Variants in CSPP1 observed in about 807,000 individuals in gnomAD.
The protein encoded by CSPP1 is centrosome and spindle pole associated protein 1.
Under a neutral mutation model 164.4 loss-of-function variants are expected in CSPP1, and 126 were observed. The observed-to-expected ratio is 0.77, with a 90% CI of 0.66 to 0.89. The LOEUF is 0.89. Ranked by LOEUF, CSPP1 falls within the 40% of genes least tolerant of loss-of-function variation. The pLI is 0.00. For synonymous variants in CSPP1, 472 were observed against 476.7 expected, an observed-to-expected ratio of 0.99 and a Z score of 0.13; for missense variants, 1,395 against 1,449.8, an observed-to-expected ratio of 0.96 and a Z score of 0.61.
At chr8:67,167,167 C>T (rs1161511278) in intron 24 of CSPP1, among the ~76,000 whole-genome samples, 1 of 152,268 alleles carries the variant, frequency 6.6e-6, no homozygotes, top group Non-Finnish European at 1.5e-5. Flanking sequence ...TATCTTTTCC[C>T]CACATTTCCC....
chr8:67,113,731 T>G, intron 10 of CSPP1, 74 bp from the exon 11 acceptor site: 3 of 757,080 alleles, frequency 4.0e-6, no homozygotes, highest in South Asian at 3.7e-5. Context: ...GTGTATAAGC[T>G]TCTTTCAGTG....
chr8:67,104,356 C>T (rs1814895350), intron 8 of CSPP1, among the ~76,000 whole-genome samples: 1 of 150,710 alleles, frequency 6.6e-6, no homozygotes. Flanking sequence ...CTTGACTTTA[C>T]AGGCTCAAGT....
chr8:67,177,151 A>G (rs913263276), intron 26 of CSPP1, among the ~76,000 whole-genome samples: 1 of 152,124 alleles, frequency 6.6e-6, no homozygotes, highest in African/African-American at 2.4e-5. Context: ...CTGAGAAGGA[A>G]TACAGGCTAT....
intron 30 of CSPP1, among the ~76,000 whole-genome samples, chr8:67,194,792 A>G (rs1277962656): frequency 6.6e-6 from 1 of 152,156 alleles, no homozygotes; most frequent in African/African-American, 2.4e-5. Flanking sequence ...GTTGCGTACA[A>G]TCAATCAGAT....
intron 3 of CSPP1, chr8:67,083,548 A>AAAAATATAT (rs1332248754): frequency 6.6e-5 from 6 of 91,484 alleles, no homozygotes; most frequent in Admixed American, 1.4e-4. Flanking sequence ...AAAAAAAAAA[A>AAAAATATAT]ATATATATAT....
At chr8:67,170,413 G>T (rs2129565836) in intron 24 of CSPP1, among the ~76,000 whole-genome samples, 1 of 152,202 alleles carries the variant, frequency 6.6e-6, no homozygotes, top group Non-Finnish European at 1.5e-5. Context: ...CTGAGATTGT[G>T]CCACTGCATT....
At chr8:67,085,025 C>T (rs1810091421) in intron 3 of CSPP1, among the ~76,000 whole-genome samples, 1 of 152,086 alleles carries the variant, frequency 6.6e-6, no homozygotes. Context: ...GTTGTACAGT[C>T]ATCATTGTCA....
chr8:67,158,880 ATCATG>A (rs1827173921), intron 20 of CSPP1, 106 bp from the exon 21 acceptor site: 1 of 1,004,264 alleles, frequency 1.0e-6, no homozygotes, highest in Non-Finnish European at 1.5e-6. Flanking sequence ...AGAACACCAT[ATCATG>A]TCATCTATAT....
At chr8:67,141,842 A>G (rs1823577827) in intron 17 of CSPP1, among the ~76,000 whole-genome samples, 1 of 152,222 alleles carries the variant, frequency 6.6e-6, no homozygotes, top group South Asian at 2.1e-4. Context: ...AGAAGGCGGG[A>G]ACATTACATT....
At chr8:67,093,356 T>C in intron 5 of CSPP1, among the ~76,000 whole-genome samples, 187 bp from the exon 6 acceptor site, 1 of 152,234 alleles carries the variant, frequency 6.6e-6, no homozygotes, top group East Asian at 1.9e-4. Flanking sequence ...TGTATGTGTG[T>C]CCTCAAACCT....
At chr8:67,075,891 C>T (rs1161968707) in intron 2 of CSPP1, among the ~76,000 whole-genome samples, 1 of 152,182 alleles carries the variant, frequency 6.6e-6, no homozygotes, top group African/African-American at 2.4e-5. Context: ...TATCTCTTAA[C>T]CACTCTCCAG....
At position 67,193,520 on chromosome 8, in the gene CSPP1, T is replaced by C. The variant is rs2129575946; in HGVS notation, c.3387T>C (p.Ser1129=). ...PDGLSLKSIS[S]VNVDELRVRN... The stretch of plus-strand genomic sequence containing the variant: ...GTCTCTCTCTAAAATCTATATCCAG[T>C]GTAAATGTTGATGAGCTTAGAGTGA... The change falls in exon 30 of 31, where the codon AGT becomes AGC. Residue 1129 remains serine (S), a synonymous_variant. Coordinates refer to ENST00000678616, the MANE Select transcript of CSPP1 (RefSeq NM_001382391.1). The C allele has an allele frequency of 2.5e-6, 4 of 1,612,900 alleles. No individual in the cohort carries two copies. Among genetic ancestry groups the C allele is most frequent in the Non-Finnish European group, 3.4e-6 (4 of 1,178,842 alleles).
chr8:67,085,375 A>T (rs1413018169), intron 3 of CSPP1, among the ~76,000 whole-genome samples: 2 of 134,128 alleles, frequency 1.5e-5, no homozygotes, highest in Non-Finnish European at 3.1e-5. Context: ...AAAGAAAATT[A>T]AAAAAAAAAA....
At chr8:67,102,707 C>CG (rs1554574358) in intron 7 of CSPP1, among the ~76,000 whole-genome samples, 2 of 151,834 alleles carry the variant, frequency 1.3e-5, no homozygotes, top group African/African-American at 4.8e-5. Flanking sequence ...GGACTGTGTC[C>CG]GAATACCCAG....
At chr8:67,097,853 A>G (rs1031305068) in intron 7 of CSPP1, among the ~76,000 whole-genome samples, 1 of 151,980 alleles carries the variant, frequency 6.6e-6, no homozygotes. Flanking sequence ...CTATTTAAGA[A>G]TAGATTAAAC....
chr8:67,163,850 T>C (rs1828830304), intron 23 of CSPP1, 52 bp downstream of exon 23: 1 of 1,374,184 alleles, frequency 7.3e-7, no homozygotes, highest in Non-Finnish European at 1.0e-6. Context: ...TTTTAACTTT[T>C]CATTTTGAAA....
rs548357313 is a variant in CSPP1 at position 67,188,902 on chromosome 8, TC to T, written c.3221-1747del. On this transcript the variant is annotated intron_variant, in intron 28 of 30. Coordinates refer to ENST00000678616, the MANE Select transcript of CSPP1 (RefSeq NM_001382391.1). Reference sequence around the variant, plus strand: ...ACGGCTTCTAATAGAGCTTTAACATTCACCGCATGGCCCAAGATTCCATTCC... The same window carrying T: ...ACGGCTTCTAATAGAGCTTTAACATTACCGCATGGCCCAAGATTCCATTCC... 6.8e-4 allele frequency among the ~76,000 whole-genome samples: 104 copies of T among 152,292 alleles called. No individual in the cohort carries two copies. The South Asian group carries it at 7.2e-3, about 11-fold the overall frequency.
intron 26 of CSPP1, among the ~76,000 whole-genome samples, chr8:67,176,756 A>G (rs1831749717): frequency 6.6e-6 from 1 of 152,124 alleles, no homozygotes; most frequent in African/African-American, 2.4e-5. Context: ...AGTAGACACT[A>G]TGAAGACCTA....
chr8:67,158,940 T>C, intron 20 of CSPP1, 51 bp from the exon 21 acceptor site: 1 of 1,398,940 alleles, frequency 7.1e-7, no homozygotes, highest in Non-Finnish European at 9.8e-7. Flanking sequence ...CATTTTTGAA[T>C]GTACTATAGA....
Sources: allele counts gnomAD v4.1 joint callset (sites outside exome capture counted in the v4.1 genomes callset), GRCh38; gene constraint gnomAD v4.1.1; transcripts MANE v1.5; gene names NCBI Gene and HGNC (gene_info 2026-07-23, HGNC 2026-07-21).